Variants in ARB2A observed in about 807,000 individuals in gnomAD.
ARB2A encodes the protein cotranscriptional regulator ARB2A.
chr5:94,002,473 G>C, the ARB2A span, among the ~76,000 whole-genome samples: 1 of 151,392 alleles, frequency 6.6e-6, no homozygotes, highest in Non-Finnish European at 1.5e-5. Flanking sequence ...GCCAGCACTC[G>C]TTCCCTTGGT....
chr5:93,901,552 T>A, the ARB2A span, among the ~76,000 whole-genome samples: 7 of 152,142 alleles, frequency 4.6e-5, no homozygotes, highest in Non-Finnish European at 7.4e-5. Context: ...TACAAAAAAT[T>A]CAATACTACC....
At chr5:93,651,841 T>G in the ARB2A span, among the ~76,000 whole-genome samples, 1 of 152,142 alleles carries the variant, frequency 6.6e-6, no homozygotes, top group South Asian at 2.1e-4. Context: ...CCTTAAATTT[T>G]CCATGAAATT....
chr5:93,996,628 T>G, the ARB2A span, among the ~76,000 whole-genome samples: 1 of 152,114 alleles, frequency 6.6e-6, no homozygotes, highest in East Asian at 1.9e-4. Context: ...ATCTCCAATG[T>G]TACATACTAC....
chr5:93,652,112 G>C, the ARB2A span, among the ~76,000 whole-genome samples: 1 of 152,086 alleles, frequency 6.6e-6, no homozygotes, highest in African/African-American at 2.4e-5. Flanking sequence ...AATTTAAATG[G>C]ACTAGTCACT....
the ARB2A span, among the ~76,000 whole-genome samples, chr5:93,918,181 T>C: frequency 1.2e-3 from 178 of 152,330 alleles, no homozygotes; most frequent in African/African-American, 4.2e-3. Flanking sequence ...CTCACCAGTG[T>C]ATACTCAATA....
At chr5:93,883,353 C>G in the ARB2A span, among the ~76,000 whole-genome samples, 1 of 151,532 alleles carries the variant, frequency 6.6e-6, no homozygotes, top group Non-Finnish European at 1.5e-5. Flanking sequence ...TCACAAAAAG[C>G]TTATAAAACA....
the ARB2A span, among the ~76,000 whole-genome samples, chr5:93,857,156 G>C: frequency 6.6e-6 from 1 of 152,164 alleles, no homozygotes; most frequent in African/African-American, 2.4e-5. Flanking sequence ...TTGTCTCAGA[G>C]GAGTACCCGG....
At chr5:93,894,574 A>G in the ARB2A span, among the ~76,000 whole-genome samples, 1 of 152,106 alleles carries the variant, frequency 6.6e-6, no homozygotes, top group African/African-American at 2.4e-5. Context: ...TTCAAAATCT[A>G]TCCTTGATCT....
At chr5:94,038,824 CAG>C in the ARB2A span, among the ~76,000 whole-genome samples, 5 of 144,826 alleles carry the variant, frequency 3.5e-5, no homozygotes, top group Non-Finnish European at 7.6e-5. Context: ...AAAAAAAAAA[CAG>C]AAGGGGTTTT....
At chr5:93,768,201 A>G in the ARB2A span, among the ~76,000 whole-genome samples, 1 of 151,590 alleles carries the variant, frequency 6.6e-6, no homozygotes, top group Non-Finnish European at 1.5e-5. Context: ...TTGGGGGGGA[A>G]GAGTGGGAGT....
chr5:93,989,591 G>A, the ARB2A span, among the ~76,000 whole-genome samples: 1 of 152,066 alleles, frequency 6.6e-6, no homozygotes, highest in Non-Finnish European at 1.5e-5. Flanking sequence ...TCTTTGCCCT[G>A]TGGACCAAAA....
At chr5:94,040,196 C>G in the ARB2A span, among the ~76,000 whole-genome samples, 1 of 152,086 alleles carries the variant, frequency 6.6e-6, no homozygotes, top group Non-Finnish European at 1.5e-5. Context: ...CTGAATTAAT[C>G]TGCCTTGTAC....
the ARB2A span, among the ~76,000 whole-genome samples, chr5:93,715,083 G>T: frequency 1.3e-5 from 2 of 151,984 alleles, no homozygotes; most frequent in Non-Finnish European, 2.9e-5. Context: ...ATCTATAAAA[G>T]TGAAACAAGA....
At chr5:93,940,799 A>G in the ARB2A span, among the ~76,000 whole-genome samples, 242 of 152,246 alleles carry the variant, frequency 1.6e-3, 1 homozygote, top group African/African-American at 5.5e-3. Flanking sequence ...TAAACAAATT[A>G]CCTACTTTAT....
At chr5:93,826,767 C>A in the ARB2A span, among the ~76,000 whole-genome samples, 4 of 120,628 alleles carry the variant, frequency 3.3e-5, no homozygotes, top group Non-Finnish European at 4.9e-5. Flanking sequence ...CACAACAGGC[C>A]CCACAGTGTG....
At chr5:93,690,817 TG>T in the ARB2A span, among the ~76,000 whole-genome samples, 58 of 152,028 alleles carry the variant, frequency 3.8e-4, no homozygotes, top group Middle Eastern at 3.4e-3. Context: ...GGCTGGCATA[TG>T]GTGGGATGAA....
At chr5:93,839,618 C>T in the ARB2A span, among the ~76,000 whole-genome samples, 25 of 151,438 alleles carry the variant, frequency 1.7e-4, no homozygotes, top group Non-Finnish European at 2.9e-5. Context: ...TCTTTATACA[C>T]CTGATAGAAT....
At chr5:93,992,456 A>G in the ARB2A span, among the ~76,000 whole-genome samples, 1 of 152,076 alleles carries the variant, frequency 6.6e-6, no homozygotes, top group Admixed American at 6.6e-5. Flanking sequence ...ACAAAGAAGT[A>G]TAGCTCATAA....
chr5:93,758,330 A>G, the ARB2A span, among the ~76,000 whole-genome samples: 1 of 152,218 alleles, frequency 6.6e-6, no homozygotes, highest in Non-Finnish European at 1.5e-5. Context: ...ACAGCACTAG[A>G]CAGGTCATCA....
Sources: allele counts gnomAD v4.1 joint callset (sites outside exome capture counted in the v4.1 genomes callset), GRCh38; gene constraint gnomAD v4.1.1; transcripts MANE v1.5; gene names NCBI Gene and HGNC (gene_info 2026-07-23, HGNC 2026-07-21).